AKAP13: variants seen among roughly 807,000 people sequenced by gnomAD.
The protein encoded by AKAP13 is A-kinase anchoring protein 13.
Under a neutral mutation model 264.5 loss-of-function variants are expected in AKAP13, and 80 were observed. The observed-to-expected ratio is 0.30, with a 90% confidence interval of 0.25 to 0.36. The LOEUF (loss-of-function observed/expected upper bound fraction) is 0.36, where lower values mean the gene tolerates loss of function less well. AKAP13 is among the 10% of genes least tolerant of loss of function. AKAP13 has a pLI of 1.00. For missense variants in AKAP13, 3,712 were observed against 3,435.2 expected (o/e 1.08, Z -2.01); for synonymous variants, 1,380 against 1,250.2 (o/e 1.10, Z -2.19).
chr15:85,697,309 G>A (rs1405477699), intron 17 of AKAP13, among the ~76,000 whole-genome samples: 1 of 152,200 alleles, frequency 6.6e-6, no homozygotes, highest in Non-Finnish European at 1.5e-5. Flanking sequence ...AGTGGCTCAC[G>A]CCTGTAATCC....
Position 85,740,254 on chromosome 15 carries a change from G to C in AKAP13, c.7590G>C (p.Glu2530Asp). 6.2e-7 allele frequency: 1 copy of C among 1,614,100 alleles called. No homozygotes were observed. Among genetic ancestry groups the C allele is most frequent in the Non-Finnish European group, 8.5e-7 (1 of 1,179,986 alleles). ...QVVQSVVHLY[E>D]LLSALQGVVL... The stretch of plus-strand genomic sequence containing the variant: ...TCCAGAGCGTTGTTCATCTCTACGA[G>C]CTCCTCAGCGCTCTGCAGGTGCGTG... Residue 2530 changes from glutamate to aspartate, a missense_variant, in exon 34 of 37, where the codon GAG (glutamate) becomes GAC (aspartate). Around this residue, in one of 3 missense-constraint regions of AKAP13, gnomAD observed 611 missense variants for 539.3 expected, o/e 1.13. Transcript: ENST00000394518.
intron 19 of AKAP13, among the ~76,000 whole-genome samples, chr15:85,711,324 A>G (rs1015452939): frequency 2.6e-5 from 4 of 151,984 alleles, no homozygotes; most frequent in South Asian, 2.1e-4. Context: ...AGAAGACTCC[A>G]CTTTGGTTTT....
intron 8 of AKAP13, among the ~76,000 whole-genome samples, chr15:85,613,713 T>TATATATA (rs1254657975): frequency 1.3e-4 from 14 of 110,802 alleles, no homozygotes; most frequent in East Asian, 3.4e-4. Flanking sequence ...TATATATATA[T>TATATATA]TAGGAGTGCT....
At chr15:85,713,966 T>A (rs338531) in intron 19 of AKAP13, among the ~76,000 whole-genome samples, 124,596 of 152,072 alleles carry the variant, frequency 0.82, 51,385 homozygotes, top group East Asian at 0.95. Flanking sequence ...ATGAGAACAA[T>A]TTAGAATTGA....
intron 8 of AKAP13, among the ~76,000 whole-genome samples, chr15:85,630,234 A>AATACACACACACACAC (rs2081681267): frequency 8.4e-6 from 1 of 119,064 alleles, no homozygotes; most frequent in Non-Finnish European, 1.7e-5. Context: ...GGAAAATTGT[A>AATACACACACACACAC]ACACACACAC....
At chr15:85,693,230 C>G (rs907382714) in intron 16 of AKAP13, 47 bp from the exon 17 acceptor site, 2 of 1,519,982 alleles carry the variant, frequency 1.3e-6, no homozygotes, top group Non-Finnish European at 1.8e-6. Context: ...AAGGAGAAAG[C>G]CCTCCAGTGT....
intron 26 of AKAP13, among the ~76,000 whole-genome samples, chr15:85,723,757 G>C (rs2087440370): frequency 6.6e-6 from 1 of 152,174 alleles, no homozygotes; most frequent in African/African-American, 2.4e-5. Context: ...GTTCACAAGA[G>C]ATGTTAGAGG....
intron 4 of AKAP13, among the ~76,000 whole-genome samples, chr15:85,538,026 C>T (rs1012463826): frequency 4.6e-5 from 7 of 152,046 alleles, no homozygotes; most frequent in Non-Finnish European, 8.8e-5. Context: ...CTGGGTGTGG[C>T]GTGAATGGTG....
chr15:85,539,196 C>G (rs903251595), intron 4 of AKAP13, among the ~76,000 whole-genome samples: 2 of 152,074 alleles, frequency 1.3e-5, no homozygotes, highest in Non-Finnish European at 1.5e-5. Flanking sequence ...TTTAAAACTG[C>G]TAGTGGTTTT....
chr15:85,420,067 A>C (rs1412793307), intron 1 of AKAP13, among the ~76,000 whole-genome samples: 4 of 141,018 alleles, frequency 2.8e-5, no homozygotes, highest in South Asian at 2.2e-4. Context: ...TCAGCCTCCC[A>C]AGTAGCTGGG....
chr15:85,539,184 A>G (rs554866122), intron 4 of AKAP13, among the ~76,000 whole-genome samples: 1 of 152,228 alleles, frequency 6.6e-6, no homozygotes, highest in African/African-American at 2.4e-5. Flanking sequence ...ATAACAACAT[A>G]TTTTAAAACT....
chr15:85,469,821 C>G (rs749871075), intron 1 of AKAP13, among the ~76,000 whole-genome samples: 1 of 152,148 alleles, frequency 6.6e-6, no homozygotes, highest in Non-Finnish European at 1.5e-5. Flanking sequence ...CATGCCATGT[C>G]GATACAGAAC....
intron 2 of AKAP13, among the ~76,000 whole-genome samples, chr15:85,512,087 A>AT (rs1209623311): frequency 4.0e-5 from 6 of 151,744 alleles, no homozygotes; most frequent in Non-Finnish European, 7.4e-5. Context: ...TCAAGTATGA[A>AT]TCTTTTGGCT....
rs774495083 is a variant in AKAP13, at chr15:85,581,747, A to G, written c.3679A>G (p.Thr1227Ala). The G allele has an allele frequency of 5.0e-6, 8 of 1,613,874 alleles. No individual in the cohort carries two copies. Among genetic ancestry groups the G allele is most frequent in the Non-Finnish European group, 6.8e-6 (8 of 1,179,978 alleles). ...CCCGCCTTCAGGCAGGGAAAGGAGCACTCCCTCTCTACCTTGCATGGTCTC... is the reference window on the plus strand; with the variant it reads ...CCCGCCTTCAGGCAGGGAAAGGAGCGCTCCCTCTCTACCTTGCATGGTCTC... Reference protein sequence around the residue: ...RAPPSGRERSTPSLPCMVSAQ... With the variant: ...RAPPSGRERSAPSLPCMVSAQ... The change falls in exon 7 of 37, where the codon ACT (threonine) becomes GCT (alanine). Residue 1227 changes from threonine to alanine, a missense_variant. This residue lies in a region of AKAP13 where 2,759 missense variants were observed against 2,411.7 expected (regional missense o/e 1.14). Transcript: ENST00000394518.
At chr15:85,425,871 T>C (rs2072753865) in intron 1 of AKAP13, among the ~76,000 whole-genome samples, 3 of 151,006 alleles carry the variant, frequency 2.0e-5, no homozygotes, top group African/African-American at 7.3e-5. Flanking sequence ...TTTTTAAAAA[T>C]AGCCCAAAAG....
intron 5 of AKAP13, among the ~76,000 whole-genome samples, chr15:85,547,941 G>T (rs1375506663): frequency 1.3e-5 from 2 of 152,146 alleles, no homozygotes; most frequent in African/African-American, 4.8e-5. Context: ...TAACTAGTTA[G>T]TAATGGAGAG....
At chr15:85,533,540 T>C in intron 3 of AKAP13, 44 bp from the exon 4 acceptor site, 2 of 1,529,382 alleles carry the variant, frequency 1.3e-6, no homozygotes, top group Non-Finnish European at 1.8e-6. Flanking sequence ...CTTTCAGCAG[T>C]GAGGCTCTAA....
At chr15:85,562,180 T>C (rs929357531) in intron 5 of AKAP13, among the ~76,000 whole-genome samples, 1 of 152,146 alleles carries the variant, frequency 6.6e-6, no homozygotes, top group Admixed American at 6.6e-5. Flanking sequence ...TGTTAAGCAG[T>C]TGATAAATAT....
intron 1 of AKAP13, among the ~76,000 whole-genome samples, chr15:85,474,766 C>T (rs912246984): frequency 6.6e-6 from 1 of 152,144 alleles, no homozygotes; most frequent in African/African-American, 2.4e-5. Flanking sequence ...TGTCATTGTT[C>T]TCAAGATGTT....
Sources: allele counts gnomAD v4.1 joint callset (sites outside exome capture counted in the v4.1 genomes callset), GRCh38; gene constraint gnomAD v4.1.1; regional missense constraint gnomAD v4.1.1; transcripts MANE v1.5; gene names NCBI Gene and HGNC (gene_info 2026-07-23, HGNC 2026-07-21).